Variants in FOXK2 observed in about 807,000 individuals in gnomAD.
FOXK2 encodes the protein forkhead box K2, also known as forkhead box protein K2.
FOXK2 carries 24 observed loss-of-function variants against 53.3 expected under a neutral mutation model. The ratio of observed to expected loss-of-function variants is 0.45; its 90% CI spans 0.33 to 0.63. FOXK2 has a LOEUF of 0.63. Ranked by LOEUF, FOXK2 falls within the 30% of genes least tolerant of loss-of-function variation. The pLI is 0.03. For synonymous variants in FOXK2, 505 were observed against 407.1 expected (o/e 1.24, Z -2.89); for missense variants, 952 against 910.5 (o/e 1.05, Z -0.59).
chr17:82,568,324 G>C, intron 3 of FOXK2, 123 bp downstream of exon 3: 1 of 1,189,022 alleles, frequency 8.4e-7, no homozygotes, highest in Non-Finnish European at 1.2e-6. Context: ...CATCGGTGGG[G>C]ATGTGGGCTT....
chr17:82,541,883 A>ATTT (rs557786535), intron 1 of FOXK2, among the ~76,000 whole-genome samples: 1 of 141,528 alleles, frequency 7.1e-6, no homozygotes, highest in African/African-American at 2.6e-5. Context: ...AGCTAATTAA[A>ATTT]TTTTTTTTTT....
At chr17:82,576,121 A>G (rs1329102209) in intron 4 of FOXK2, among the ~76,000 whole-genome samples, 1 of 24,980 alleles carries the variant, frequency 4.0e-5, no homozygotes, top group East Asian at 1.0e-3. Context: ...GTTCGTCCAC[A>G]CCAGCGTGTG....
intron 1 of FOXK2, among the ~76,000 whole-genome samples, 184 bp downstream of exon 1, chr17:82,520,491 C>T (rs1053037119): frequency 6.6e-6 from 1 of 151,988 alleles, no homozygotes; most frequent in Admixed American, 6.6e-5. Context: ...TGGCCCCGAC[C>T]CCCGTCCTCC....
At chr17:82,600,300 C>A (rs1040675733) in intron 8 of FOXK2, 1 of 152,288 alleles carries the variant, frequency 6.6e-6, no homozygotes, top group South Asian at 2.1e-4. Context: ...GAGACAGATT[C>A]TGTGGAATCT....
chr17:82,582,454 G>A (rs945883905), intron 4 of FOXK2, among the ~76,000 whole-genome samples: 2 of 152,160 alleles, frequency 1.3e-5, no homozygotes, highest in African/African-American at 4.8e-5. Context: ...TCACCCAGGC[G>A]GGAGGGCTGC....
chr17:82,589,441 G>A (rs1379793990), intron 8 of FOXK2, among the ~76,000 whole-genome samples: 1 of 152,232 alleles, frequency 6.6e-6, no homozygotes, highest in Non-Finnish European at 1.5e-5. Flanking sequence ...TAACAAAATT[G>A]ATAAAACCCA....
intron 4 of FOXK2, 149 bp from the exon 5 acceptor site, chr17:82,582,592 T>G (rs2045077354): frequency 1.6e-6 from 1 of 610,972 alleles, no homozygotes; most frequent in African/African-American, 1.9e-5. Flanking sequence ...GCACATTACT[T>G]GTGTGACGCA....
chr17:82,524,858 C>G (rs528425057), intron 1 of FOXK2, among the ~76,000 whole-genome samples: 1 of 152,096 alleles, frequency 6.6e-6, no homozygotes, highest in African/African-American at 2.4e-5. Context: ...CTCTGGAGAA[C>G]CTGCAATTCA....
chr17:82,531,073 C>T (rs542834122), intron 1 of FOXK2, among the ~76,000 whole-genome samples: 2 of 152,226 alleles, frequency 1.3e-5, no homozygotes, highest in South Asian at 4.1e-4. Flanking sequence ...TGGACTTGTC[C>T]ACACGTGATT....
intron 4 of FOXK2, among the ~76,000 whole-genome samples, chr17:82,575,461 A>C (rs1480519936): frequency 6.6e-6 from 1 of 152,234 alleles, no homozygotes; most frequent in African/African-American, 2.4e-5. Context: ...AGCACACGGC[A>C]TATAGTACTT....
At chr17:82,540,059 TC>T (rs1273102720) in intron 1 of FOXK2, among the ~76,000 whole-genome samples, 1 of 152,152 alleles carries the variant, frequency 6.6e-6, no homozygotes, top group East Asian at 1.9e-4. Flanking sequence ...GGAAGGCGGA[TC>T]ACCTGAGGTC....
At chr17:82,543,625 TTTC>T (rs2044594330) in intron 1 of FOXK2, among the ~76,000 whole-genome samples, 1 of 152,038 alleles carries the variant, frequency 6.6e-6, no homozygotes, top group Non-Finnish European at 1.5e-5. Context: ...GGGAAGAGTC[TTTC>T]TTTTATTTTT....
At chr17:82,587,501 C>A in intron 8 of FOXK2, 1 of 560,768 alleles carries the variant, frequency 1.8e-6, no homozygotes, top group South Asian at 2.0e-5. Context: ...GTTTCTAATA[C>A]ATTGAGAGGG....
chr17:82,573,205 A>G (rs1458610089), intron 4 of FOXK2, among the ~76,000 whole-genome samples: 1 of 152,016 alleles, frequency 6.6e-6, no homozygotes, highest in Non-Finnish European at 1.5e-5. Context: ...AAAGGAAAAA[A>G]AAAGCCTACC....
Position 82,603,072 on chromosome 17 carries a change from AGCATGGGGCTGGG to A in FOXK2, c.*1577_*1589del, listed in dbSNP as rs2045404319. 1 of 152,662 alleles carries A rather than the reference AGCATGGGGCTGGG, an allele frequency of 6.6e-6. No homozygotes were observed. Among genetic ancestry groups the A allele is most frequent in the African/African-American group, 2.4e-5 (1 of 41,474 alleles). 9.5% of individuals were successfully genotyped at this position (152,662 alleles called of 1,614,324 possible). A position where few individuals can be genotyped will look rare whatever the true frequency, so the allele number is the denominator to read the frequency against. On this transcript the variant is annotated 3_prime_UTR_variant, in exon 9 of 9. Coordinates refer to ENST00000335255, the MANE Select transcript of FOXK2 (RefSeq NM_004514.4). ...TGTTCCGTGAATTGTGTCGGCCCTC[AGCATGGGGCTGGG>A]GCAGCGTCACTGCGGTGACGCCCAT... is the stretch of plus-strand genomic sequence containing the variant.
At chr17:82,532,336 G>A (rs1045229006) in intron 1 of FOXK2, among the ~76,000 whole-genome samples, 1 of 151,930 alleles carries the variant, frequency 6.6e-6, no homozygotes, top group Non-Finnish European at 1.5e-5. Flanking sequence ...TGGAGACGGG[G>A]TTTCACCATG....
chr17:82,542,036 A>G (rs1442640620), intron 1 of FOXK2, among the ~76,000 whole-genome samples: 1 of 151,790 alleles, frequency 6.6e-6, no homozygotes, highest in Non-Finnish European at 1.5e-5. Context: ...ATGCACCACC[A>G]CGCCTGGCTA....
chr17:82,580,098 C>T (rs1365896931), intron 4 of FOXK2, among the ~76,000 whole-genome samples: 2 of 117,394 alleles, frequency 1.7e-5, no homozygotes, highest in African/African-American at 6.7e-5. Flanking sequence ...CCATGTCACC[C>T]GTGAAGTAGC....
At chr17:82,581,809 C>G (rs1306378165) in intron 4 of FOXK2, among the ~76,000 whole-genome samples, 1 of 152,094 alleles carries the variant, frequency 6.6e-6, no homozygotes, top group African/African-American at 2.4e-5. Flanking sequence ...GGGGTTTCAC[C>G]ATGTTGGCCA....
Sources: gnomAD v4.1 joint callset for allele counts (sites outside exome capture counted in the v4.1 genomes callset) on GRCh38, gnomAD v4.1.1 for gene constraint, MANE v1.5 for transcripts, NCBI Gene and HGNC (gene_info 2026-07-23, HGNC 2026-07-21) for gene names.